Variants in KLHL24 observed in about 807,000 individuals in gnomAD.
KLHL24 encodes kelch-like protein 24.
In KLHL24, 29 loss-of-function variants were observed where a neutral mutation model predicts 53.4. That is an observed-to-expected ratio of 0.54 (90% CI 0.40 to 0.74). The LOEUF is 0.74. Ranked by LOEUF, KLHL24 falls within the 30% of genes least tolerant of loss-of-function variation. KLHL24 has a pLI of 0.00. For missense variants in KLHL24, 504 were observed against 744.0 expected (o/e 0.68, Z 3.75); for synonymous variants, 222 against 253.7 (o/e 0.88, Z 1.19).
rs1039562231 is a variant in KLHL24 at position 183,661,056 on chromosome 3, C to A, written c.921-2402C>A. Among the ~76,000 whole-genome samples, 99 of 65,744 alleles carry A rather than the reference C, an allele frequency of 1.5e-3. 10 individuals carry two copies. The highest frequency in any genetic ancestry group is 2.5e-3 in the Admixed American group (17 of 6,878). The allele number at this position is 65,744 out of a possible 152,430, so 43.1% of individuals were successfully genotyped here. A position where few individuals can be genotyped will look rare whatever the true frequency, so the allele number is the denominator to read the frequency against. On this transcript the variant is annotated intron_variant, in intron 3 of 7. Coordinates refer to ENST00000242810, the MANE Select transcript of KLHL24 (RefSeq NM_017644.3). The stretch of plus-strand genomic sequence containing the variant: ...CTCCAGCCTGGGCGACAGAGCGAGA[C>A]TCCGTCTCAAAAAAAAAAAAAAAAA...
At position 183,684,080 on chromosome 3, in the gene KLHL24, A is replaced by T. The variant is rs960785725; in HGVS notation, c.*4794A>T. Reference sequence around the variant, plus strand: ...CAGTATCTACATCGAATGTCAAAAAAGTATACTTATTTTTGTTCCATACTT... The same window carrying T: ...CAGTATCTACATCGAATGTCAAAAATGTATACTTATTTTTGTTCCATACTT... On this transcript the variant is annotated 3_prime_UTR_variant, in exon 8 of 8. Coordinates refer to ENST00000242810, the MANE Select transcript of KLHL24 (RefSeq NM_017644.3). 1 of 152,536 alleles carries T rather than the reference A, an allele frequency of 6.6e-6. No individual in the cohort carries two copies. The highest frequency in any genetic ancestry group is 1.5e-5 in the Non-Finnish European group (1 of 68,028). The allele number at this position is 152,536 out of a possible 1,614,324, so 9.4% of individuals were successfully genotyped here. A position where few individuals can be genotyped will look rare whatever the true frequency, so the allele number is the denominator to read the frequency against.
intron 2 of KLHL24, chr3:183,644,195 T>C (rs1046954651): frequency 3.3e-5 from 5 of 151,932 alleles, no homozygotes; most frequent in African/African-American, 4.8e-5. Flanking sequence ...GCCTCCTGAG[T>C]AGCTGGGACT....
chr3:183,674,611 C>T (rs567015949), intron 7 of KLHL24, among the ~76,000 whole-genome samples: 1 of 152,308 alleles, frequency 6.6e-6, no homozygotes, highest in African/African-American at 2.4e-5. Context: ...CCACCTGCCT[C>T]AGCCTCCCAA....
At chr3:183,638,637 G>A (rs988474616) in intron 1 of KLHL24, among the ~76,000 whole-genome samples, 6 of 152,250 alleles carry the variant, frequency 3.9e-5, no homozygotes, top group African/African-American at 1.4e-4. Flanking sequence ...TTTAAAAACC[G>A]CTATTGTTTC....
At chr3:183,677,362 A>T (rs1403110619) in intron 7 of KLHL24, among the ~76,000 whole-genome samples, 1 of 152,212 alleles carries the variant, frequency 6.6e-6, no homozygotes, top group Admixed American at 6.5e-5. Flanking sequence ...AATGAAAAAT[A>T]TTAGAGTTTG....
In KLHL24 at chr3:183,657,425, A is replaced by AC. The variant is rs537246615; in HGVS notation, c.921-6033_921-6032insC. Among the ~76,000 whole-genome samples, 736 of 152,334 alleles carry AC rather than the reference A, an allele frequency of 4.8e-3. 3 individuals carry two copies. Among genetic ancestry groups the AC allele is most frequent in the Non-Finnish European group, 9.2e-3 (623 of 68,018 alleles). ...TCTTCTTTCTGCTATCTCTTACCTG[A>AC]TAATCAGTTACTATATAGTGAATAT... On this transcript the variant is annotated intron_variant, in intron 3 of 7. Coordinates refer to ENST00000242810, the MANE Select transcript of KLHL24 (RefSeq NM_017644.3).
chr3:183,640,601 T>TTTTTTTC (rs1491108622), intron 1 of KLHL24, among the ~76,000 whole-genome samples: 9 of 59,102 alleles, frequency 1.5e-4, no homozygotes, highest in African/African-American at 1.1e-3. Context: ...TTCTTTTTTC[T>TTTTTTTC]TTTTTTTTTT....
At chr3:183,660,242 C>T (rs1029517755) in intron 3 of KLHL24, among the ~76,000 whole-genome samples, 27 of 150,326 alleles carry the variant, frequency 1.8e-4, no homozygotes, top group African/African-American at 6.6e-4. Context: ...AAGGGATTTT[C>T]CCACCTCAGC....
At chr3:183,643,721 T>C (rs1716805733) in intron 2 of KLHL24, among the ~76,000 whole-genome samples, 179 bp downstream of exon 2, 1 of 152,208 alleles carries the variant, frequency 6.6e-6, no homozygotes. Flanking sequence ...TACCCACTCT[T>C]CTGTGCTTTC....
chr3:183,681,449 C>T lies in KLHL24; in HGVS notation c.*2163C>T, dbSNP rs1487218700. On this transcript the variant is annotated 3_prime_UTR_variant, in exon 8 of 8. Coordinates refer to ENST00000242810, the MANE Select transcript of KLHL24 (RefSeq NM_017644.3). ...TGTTGTAAAAAGTATTAACTATTTA[C>T]TTTTATTTTGTTATACATTTATTTT... The T allele has an allele frequency of 1.3e-5, 2 of 151,814 alleles. No homozygotes were observed. Among genetic ancestry groups the T allele is most frequent in the Non-Finnish European group, 3.0e-5 (2 of 67,710 alleles). The allele number at this position is 151,814 out of a possible 1,614,324, so 9.4% of individuals were successfully genotyped here. A position where few individuals can be genotyped will look rare whatever the true frequency, so the allele number is the denominator to read the frequency against.
At chr3:183,646,323 C>G (rs1417550771) in intron 2 of KLHL24, among the ~76,000 whole-genome samples, 1 of 133,326 alleles carries the variant, frequency 7.5e-6, no homozygotes, top group African/African-American at 3.0e-5. Context: ...GATTGTGCCA[C>G]TGCACTCCAG....
At chr3:183,670,466 G>T (rs1560180732) in intron 5 of KLHL24, among the ~76,000 whole-genome samples, 1 of 152,096 alleles carries the variant, frequency 6.6e-6, no homozygotes, top group Non-Finnish European at 1.5e-5. Flanking sequence ...GTACATAAAA[G>T]CTCTGTGAAC....
intron 5 of KLHL24, among the ~76,000 whole-genome samples, chr3:183,667,349 A>G (rs1432430592): frequency 6.6e-6 from 1 of 152,164 alleles, no homozygotes; most frequent in African/African-American, 2.4e-5. Context: ...CGGAGTTTGC[A>G]GTGAGCCAAG....
At chr3:183,673,621 C>G (rs1721668570) in intron 7 of KLHL24, among the ~76,000 whole-genome samples, 1 of 152,138 alleles carries the variant, frequency 6.6e-6, no homozygotes, top group Non-Finnish European at 1.5e-5. Context: ...GGCCTTTTCC[C>G]CACCTTTTGA....
chr3:183,645,285 G>A (rs959405817), intron 2 of KLHL24, among the ~76,000 whole-genome samples: 3 of 152,138 alleles, frequency 2.0e-5, no homozygotes, highest in African/African-American at 7.2e-5. Context: ...TGACATTCAG[G>A]TACAGTAGTG....
intron 1 of KLHL24, among the ~76,000 whole-genome samples, chr3:183,640,510 G>GT (rs1414500131): frequency 6.6e-6 from 1 of 151,952 alleles, no homozygotes; most frequent in African/African-American, 2.4e-5. Flanking sequence ...TAAATATGGG[G>GT]TAATCCATAG....
intron 7 of KLHL24, among the ~76,000 whole-genome samples, chr3:183,673,980 A>AT (rs1245405650): frequency 6.6e-6 from 1 of 152,172 alleles, no homozygotes; most frequent in Non-Finnish European, 1.5e-5. Context: ...GTATTTCAAG[A>AT]TTTTAAATTT....
At chr3:183,639,111 G>C (rs939630498) in intron 1 of KLHL24, among the ~76,000 whole-genome samples, 7 of 152,066 alleles carry the variant, frequency 4.6e-5, no homozygotes, top group Admixed American at 3.3e-4. Context: ...TGAGGCAGGA[G>C]AATCACTTGA....
intron 1 of KLHL24, among the ~76,000 whole-genome samples, chr3:183,641,719 A>G (rs927434792): frequency 6.6e-6 from 1 of 152,010 alleles, no homozygotes; most frequent in South Asian, 2.1e-4. Flanking sequence ...GTTTTCTGGT[A>G]TTAGTTTTTA....
Sources: gnomAD v4.1 joint callset for allele counts (sites outside exome capture counted in the v4.1 genomes callset) on GRCh38, gnomAD v4.1.1 for gene constraint, MANE v1.5 for transcripts, NCBI Gene and HGNC (gene_info 2026-07-23, HGNC 2026-07-21) for gene names.